The following NAALADL2 variants were observed in gnomAD, a reference collection of about 807,000 sequenced individuals.
NAALADL2 encodes N-acetylated alpha-linked acidic dipeptidase like 2.
In NAALADL2, 76 loss-of-function variants were observed where a neutral mutation model predicts 87.2. The ratio of observed to expected loss-of-function variants is 0.87; its 90% CI spans 0.72 to 1.05. NAALADL2 has a LOEUF of 1.05. NAALADL2 is among the 50% of genes least tolerant of loss of function. The probability of loss-of-function intolerance (pLI) is 0.00; values close to 1 mark genes in which losing one functional copy is unlikely to be tolerated. For missense variants in NAALADL2, 1,089 were observed against 945.8 expected (o/e 1.15, Z -1.99); for synonymous variants, 354 against 331.0 (o/e 1.07, Z -0.75).
intron 4 of NAALADL2, among the ~76,000 whole-genome samples, chr3:175,319,366 T>A (rs1359987309): frequency 6.6e-6 from 1 of 152,240 alleles, no homozygotes; most frequent in Non-Finnish European, 1.5e-5. Context: ...AAGAGCATTT[T>A]TAAAGGACTA....
At chr3:175,597,196 G>A (rs1451828107) in intron 10 of NAALADL2, among the ~76,000 whole-genome samples, 1 of 151,998 alleles carries the variant, frequency 6.6e-6, no homozygotes, top group African/African-American at 2.4e-5. Flanking sequence ...AATTCAAATA[G>A]AGTGAATGTT....
rs1482219747 is a variant in NAALADL2, at chr3:174,815,605, T to G, written c.-9+77859T>G. On this transcript the variant is annotated intron_variant, in intron 3 of 3. Transcript: ENST00000434257. ...CATCATGCCCAACCCATCCCTAAAT[T>G]TATTTTTCTTATAAGGATAACAGTT... is the stretch of plus-strand genomic sequence containing the variant. Among the ~76,000 whole-genome samples the G allele has an allele frequency of 2.0e-5, 3 of 152,080 alleles. No homozygotes were observed. In the East Asian group the frequency reaches 5.8e-4, roughly 29 times the overall value.
In NAALADL2 at chr3:174,832,525, G is replaced by C. The variant is rs527988376; in HGVS notation, c.-9+94779G>C. ...CATCCAGGCTGGAGTGCAGTGGCTC[G>C]ATCTCAGCTCACTGCAAGCTCTGCC... On this transcript the variant is annotated intron_variant, in intron 3 of 3. Transcript: ENST00000434257. Among the ~76,000 whole-genome samples, 947 of 152,054 alleles carry C rather than the reference G, an allele frequency of 6.2e-3. 5 individuals are homozygous for C. The highest frequency in any genetic ancestry group is 9.4e-3 in the Non-Finnish European group (641 of 67,972).
At chr3:174,898,999 T>C (rs746821517) in intron 1 of NAALADL2, among the ~76,000 whole-genome samples, 15 of 152,302 alleles carry the variant, frequency 9.8e-5, no homozygotes, top group Non-Finnish European at 1.8e-4. Context: ...TGTATAGATA[T>C]TATATTTTAC....
chr3:175,640,194 A>G (rs1004684308), intron 11 of NAALADL2, among the ~76,000 whole-genome samples: 1 of 152,208 alleles, frequency 6.6e-6, no homozygotes, highest in Non-Finnish European at 1.5e-5. Flanking sequence ...AGTAGGATTC[A>G]TTCTTCCTGT....
At chr3:175,643,386 G>C (rs79724254) in intron 11 of NAALADL2, among the ~76,000 whole-genome samples, 1 of 152,152 alleles carries the variant, frequency 6.6e-6, no homozygotes, top group East Asian at 1.9e-4. Context: ...CTGCTTCATA[G>C]GGAATGAATA....
Position 174,776,856 on chromosome 3 carries a change from A to C in NAALADL2, c.-9+39110A>C, listed in dbSNP as rs190110926. Among the ~76,000 whole-genome samples, 41 of 152,278 alleles carry C rather than the reference A, an allele frequency of 2.7e-4. No individual in the cohort carries two copies. The East Asian group carries it at 7.1e-3, about 27-fold the overall frequency. Reference sequence around the variant, plus strand: ...AAGCTGCATTGTTTGCACATAATACACATATTTAAAGGCATAATTCAGTTC... The same window carrying C: ...AAGCTGCATTGTTTGCACATAATACCCATATTTAAAGGCATAATTCAGTTC... On this transcript the variant is annotated intron_variant, in intron 3 of 3. Transcript: ENST00000434257.
intron 13 of NAALADL2, among the ~76,000 whole-genome samples, chr3:175,792,235 G>A (rs978472847): frequency 1.2e-4 from 19 of 152,044 alleles, no homozygotes; most frequent in Admixed American, 3.9e-4. Context: ...CTCCTTTAAA[G>A]CATTAATTTT....
intron 1 of NAALADL2, among the ~76,000 whole-genome samples, chr3:174,898,245 G>A (rs938136279): frequency 1.3e-5 from 2 of 148,300 alleles, no homozygotes; most frequent in Admixed American, 1.4e-4. Flanking sequence ...AATATCACAT[G>A]TTCTCACTTC....
In NAALADL2 at chr3:175,280,876, T is replaced by A. The variant is rs147867112; in HGVS notation, c.939+24346T>A. ...TTAATCTTTTTATCCTGATGCTACA[T>A]CAGCGTATAAGTTTAAATGAAAATA... On this transcript the variant is annotated intron_variant, in intron 4 of 13. Transcript: ENST00000454872. Among the ~76,000 whole-genome samples, 4 of 152,140 alleles carry A rather than the reference T, an allele frequency of 2.6e-5. No homozygotes were observed. In the East Asian group the frequency reaches 5.8e-4, roughly 22 times the overall value.
intron 2 of NAALADL2, among the ~76,000 whole-genome samples, chr3:174,646,113 T>C (rs1026194420): frequency 6.6e-6 from 1 of 152,078 alleles, no homozygotes; most frequent in Non-Finnish European, 1.5e-5. Context: ...GAAAAATCAG[T>C]TTATCAGCAT....
intron 10 of NAALADL2, among the ~76,000 whole-genome samples, chr3:175,602,458 C>CTATA (rs71164643): frequency 0.52 from 77,939 of 148,976 alleles, 22,250 homozygotes; most frequent in East Asian, 0.69. Flanking sequence ...ATGTGTGTAT[C>CTATA]TATATATATA....
chr3:175,573,013 T>G (rs1427766982), intron 9 of NAALADL2, among the ~76,000 whole-genome samples: 1 of 152,182 alleles, frequency 6.6e-6, no homozygotes, highest in Non-Finnish European at 1.5e-5. Flanking sequence ...ATTATATAAC[T>G]AAATGTTTAT....
chr3:175,747,011 A>G (rs1381938349), intron 12 of NAALADL2, among the ~76,000 whole-genome samples: 3 of 152,196 alleles, frequency 2.0e-5, no homozygotes, highest in Admixed American at 6.6e-5. Context: ...TGTAAATGCT[A>G]TGTAAATAGT....
chr3:175,051,401 A>G (rs9835017), intron 1 of NAALADL2, among the ~76,000 whole-genome samples: 31,205 of 152,012 alleles, frequency 0.21, 3,797 homozygotes, highest in African/African-American at 0.34. Context: ...AAGTCTGGAC[A>G]GGCTGCATTT....
chr3:174,983,292 A>G (rs1745376103), intron 1 of NAALADL2, among the ~76,000 whole-genome samples: 1 of 152,046 alleles, frequency 6.6e-6, no homozygotes, highest in East Asian at 1.9e-4. Context: ...TATTTTGAAT[A>G]ATTTTGGTGG....
intron 2 of NAALADL2, among the ~76,000 whole-genome samples, chr3:174,597,941 A>C (rs1338450561): frequency 6.6e-6 from 1 of 152,130 alleles, no homozygotes; most frequent in Non-Finnish European, 1.5e-5. Flanking sequence ...CATAGCACTT[A>C]TCACTTTCTC....
chr3:175,087,487 A>G (rs1184090685), intron 1 of NAALADL2, among the ~76,000 whole-genome samples: 1 of 152,260 alleles, frequency 6.6e-6, no homozygotes, highest in African/African-American at 2.4e-5. Flanking sequence ...TGTGGGGAAA[A>G]GAAAGAGAAA....
At chr3:175,145,148 C>T (rs1560087148) in intron 2 of NAALADL2, among the ~76,000 whole-genome samples, 1 of 151,864 alleles carries the variant, frequency 6.6e-6, no homozygotes, top group Admixed American at 6.6e-5. Context: ...TCCTTAGTCC[C>T]CTTATTCTTC....
Sources: allele counts gnomAD v4.1 joint callset (sites outside exome capture counted in the v4.1 genomes callset), GRCh38; gene constraint gnomAD v4.1.1; transcripts MANE v1.5; gene names NCBI Gene and HGNC (gene_info 2026-07-23, HGNC 2026-07-21).